MECOM: variants seen among roughly 807,000 people sequenced by gnomAD.
The protein encoded by MECOM is MDS1 and EVI1 complex locus.
A neutral mutation model predicts 116.3 loss-of-function variants in MECOM; 13 were observed. The ratio of observed to expected loss-of-function variants is 0.11; its 90% CI spans 0.07 to 0.18. The LOEUF (loss-of-function observed/expected upper bound fraction) is 0.18. Ranked by LOEUF, MECOM falls within the 10% of genes least tolerant of loss-of-function variation. The pLI is 1.00. For missense variants in MECOM, 1,299 were observed against 1,509.0 expected (o/e 0.86, Z 2.31); for synonymous variants, 528 against 535.2 (o/e 0.99, Z 0.19).
chr3:169,151,369 C>A (rs1741143692), intron 2 of MECOM, among the ~76,000 whole-genome samples: 1 of 152,216 alleles, frequency 6.6e-6, no homozygotes. Context: ...TTCACCCTGA[C>A]ATTATGTTTT....
chr3:169,491,016 C>T (rs1753027564), intron 1 of MECOM, among the ~76,000 whole-genome samples: 2 of 152,060 alleles, frequency 1.3e-5, no homozygotes, highest in Admixed American at 1.3e-4. Context: ...ATACCACTAT[C>T]CCCAGTTAAC....
At chr3:169,160,169 CAT>C (rs374912672) in intron 2 of MECOM, among the ~76,000 whole-genome samples, 1 of 151,850 alleles carries the variant, frequency 6.6e-6, no homozygotes, top group African/African-American at 2.4e-5. Flanking sequence ...GAGATGGAAA[CAT>C]ATAGAGCCAG....
chr3:169,160,651 C>T (rs1742708778), intron 2 of MECOM, among the ~76,000 whole-genome samples: 1 of 149,850 alleles, frequency 6.7e-6, no homozygotes, highest in African/African-American at 2.4e-5. Flanking sequence ...ATATATTGTA[C>T]ATTTTGAAAT....
At chr3:169,341,725 G>C (rs1724562495) in intron 2 of MECOM, among the ~76,000 whole-genome samples, 1 of 132,834 alleles carries the variant, frequency 7.5e-6, no homozygotes. Context: ...GAGTGACAGA[G>C]TGAGACTCCC....
intron 2 of MECOM, among the ~76,000 whole-genome samples, chr3:169,370,438 G>A (rs1729898178): frequency 6.6e-6 from 1 of 151,826 alleles, no homozygotes; most frequent in African/African-American, 2.4e-5. Flanking sequence ...AAAAGTATAG[G>A]AGAAAGACTC....
chr3:169,573,946 C>CCATTAATTT (rs537330262), intron 1 of MECOM, among the ~76,000 whole-genome samples: 319 of 152,154 alleles, frequency 2.1e-3, no homozygotes, highest in African/African-American at 7.1e-3. Flanking sequence ...GTGCATATGG[C>CCATTAATTT]CATTAATTTC....
intron 3 of MECOM, among the ~76,000 whole-genome samples, chr3:169,133,666 A>T (rs1489636635): frequency 6.6e-6 from 1 of 151,728 alleles, no homozygotes; most frequent in Non-Finnish European, 1.5e-5. Flanking sequence ...CTGTTTCTAT[A>T]AAAAAAATAG....
At chr3:169,429,564 A>C (rs1741265872) in intron 1 of MECOM, among the ~76,000 whole-genome samples, 1 of 152,196 alleles carries the variant, frequency 6.6e-6, no homozygotes, top group Non-Finnish European at 1.5e-5. Flanking sequence ...ATTTTCTACC[A>C]GATGAGATGT....
chr3:169,558,547 G>A (rs1762292387), intron 1 of MECOM, among the ~76,000 whole-genome samples: 1 of 152,110 alleles, frequency 6.6e-6, no homozygotes, highest in African/African-American at 2.4e-5. Context: ...GGAAATAATT[G>A]GCACAAATCT....
chr3:169,277,711 A>G (rs1759777045), intron 2 of MECOM, among the ~76,000 whole-genome samples: 4 of 152,180 alleles, frequency 2.6e-5, no homozygotes, highest in Admixed American at 2.6e-4. Context: ...GCCTTCCAAT[A>G]TTTATTACTT....
At chr3:169,261,975 G>GA in intron 2 of MECOM, among the ~76,000 whole-genome samples, 1 of 152,292 alleles carries the variant, frequency 6.6e-6, no homozygotes, top group East Asian at 1.9e-4. Flanking sequence ...GTCTTTGCAG[G>GA]AAAAAGAAAG....
intron 1 of MECOM, among the ~76,000 whole-genome samples, chr3:169,579,874 G>A (rs1032330524): frequency 1.3e-5 from 2 of 152,202 alleles, no homozygotes; most frequent in Non-Finnish European, 2.9e-5. Flanking sequence ...ACATTTGAGT[G>A]AGATTTCCAC....
chr3:169,469,953 A>G (rs1242799928), intron 1 of MECOM, among the ~76,000 whole-genome samples: 2 of 152,194 alleles, frequency 1.3e-5, no homozygotes, highest in East Asian at 1.9e-4. Context: ...TCACACATTA[A>G]CTTTCCAGCA....
chr3:169,166,771 A>G (rs982203786), intron 2 of MECOM, among the ~76,000 whole-genome samples: 1 of 152,218 alleles, frequency 6.6e-6, no homozygotes, highest in African/African-American at 2.4e-5. Context: ...ATAAATGTAC[A>G]TAATTGTGTA....
In MECOM at chr3:169,097,877, G is replaced by C. The variant is rs552260390; in HGVS notation, c.2850-2632C>G. Among the ~76,000 whole-genome samples the C allele has an allele frequency of 2.1e-5, 3 of 145,562 alleles. No individual in the cohort carries two copies. The South Asian group carries it at 6.6e-4, about 32-fold the overall frequency. ...CTGTCAAGGAGCTTGTGGTCTACTG[G>C]TATTTATCTTTCTGAAGAGATAATT... On this transcript the variant is annotated intron_variant, in intron 12 of 16. Transcript: ENST00000651503.
chr3:169,442,812 AT>A (rs558760894), intron 1 of MECOM, among the ~76,000 whole-genome samples: 4 of 151,610 alleles, frequency 2.6e-5, no homozygotes, highest in South Asian at 2.1e-4. Context: ...AGGTTTTCAC[AT>A]TTTTTTTTAT....
rs1342245060 is a variant in MECOM, at chr3:169,128,039, T to G, written c.635A>C (p.Glu212Ala). ...DIHEERQYRC[E>A]DCDQLFESKA... ...AGATTCAAAGAGCTGGTCACAGTCTTCGCAGCGATATTGCCGTTCTTCTGT... is the reference window on the plus strand; with the variant it reads ...AGATTCAAAGAGCTGGTCACAGTCTGCGCAGCGATATTGCCGTTCTTCTGT... Residue 212 changes from glutamate (E) to alanine (A), a missense_variant, in exon 5 of 17, where the codon GAA becomes GCA. Around this residue, in one of 6 missense-constraint regions of MECOM, gnomAD observed 374 missense variants for 433.4 expected, o/e 0.86. Transcript: ENST00000651503. The G allele has an allele frequency of 6.2e-7, 1 of 1,613,932 alleles. No homozygotes were observed. Among genetic ancestry groups the G allele is most frequent in the Admixed American group, 1.7e-5 (1 of 59,980 alleles).
At chr3:169,355,740 T>G (rs1045205826) in intron 2 of MECOM, among the ~76,000 whole-genome samples, 3 of 151,932 alleles carry the variant, frequency 2.0e-5, no homozygotes, top group Non-Finnish European at 2.9e-5. Flanking sequence ...AAATTGAATT[T>G]GAAATTGATG....
chr3:169,134,104 G>T, intron 3 of MECOM: 3 of 357,028 alleles, frequency 8.4e-6, no homozygotes, highest in South Asian at 2.6e-5. Context: ...ACACACGTCA[G>T]GTCATTTTAA....
Sources: allele counts gnomAD v4.1 joint callset (sites outside exome capture counted in the v4.1 genomes callset), GRCh38; gene constraint gnomAD v4.1.1; regional missense constraint gnomAD v4.1.1; transcripts MANE v1.5; gene names NCBI Gene and HGNC (gene_info 2026-07-23, HGNC 2026-07-21).